FAM135B: variants seen among roughly 807,000 people sequenced by gnomAD.
FAM135B encodes protein FAM135B.
Under a neutral mutation model 127.7 loss-of-function variants are expected in FAM135B, and 43 were observed. The observed-to-expected ratio is 0.34, with a 90% CI of 0.26 to 0.43. The LOEUF is 0.43. Ranked by LOEUF, FAM135B falls within the 20% of genes least tolerant of loss-of-function variation. The pLI, the probability that FAM135B is intolerant of heterozygous loss-of-function variation, is 1.00. For synonymous variants in FAM135B, 670 were observed against 665.1 expected (o/e 1.01, Z -0.11); for missense variants, 1,558 against 1,725.6 (o/e 0.90, Z 1.72).
At chr8:138,329,107 G>A (rs138952042) in intron 2 of FAM135B, among the ~76,000 whole-genome samples, 9 of 152,284 alleles carry the variant, frequency 5.9e-5, no homozygotes, top group East Asian at 1.9e-4. Flanking sequence ...ATAGGTGATC[G>A]ATTGAAAAGC....
rs1033043083 is a variant in FAM135B at position 138,250,966 on chromosome 8, G to A, written c.417C>T (p.Gly139=). The A allele has an allele frequency of 4.3e-6, 7 of 1,613,956 alleles. No individual in the cohort carries two copies. Among genetic ancestry groups the A allele is most frequent in the Non-Finnish European group, 5.9e-6 (7 of 1,180,000 alleles). The change falls in exon 6 of 20, where the codon GGC becomes GGT. Residue 139 remains glycine, a synonymous_variant. Coordinates refer to ENST00000395297, the MANE Select transcript of FAM135B (RefSeq NM_015912.4). ...GAPMVSSRTL[G]LHFHPRNGLH... ...GACCATTCCGGGGGTGGAAGTGCAG[G>A]CCAAGCGTTCGGCTGCTGACCATCG... is the stretch of plus-strand genomic sequence containing the variant.
chr8:138,351,370 G>A (rs1053303636), intron 2 of FAM135B, among the ~76,000 whole-genome samples: 2 of 152,198 alleles, frequency 1.3e-5, no homozygotes, highest in African/African-American at 4.8e-5. Flanking sequence ...CTGATGTGCA[G>A]AGGGAAGATC....
chr8:138,288,253 A>G lies in FAM135B; in HGVS notation c.158-22411T>C, dbSNP rs561240398. The stretch of plus-strand genomic sequence containing the variant: ...GAAGATGGTGGTGACCAAGAGGTAC[A>G]TCAAATTACCAGACTAGGAAGTTTT... On this transcript the variant is annotated intron_variant, in intron 3 of 19. Transcript: ENST00000395297. 2.0e-5 allele frequency among the ~76,000 whole-genome samples: 3 copies of G among 152,328 alleles called. No individual in the cohort carries two copies. In the East Asian group the frequency reaches 5.8e-4, roughly 29 times the overall value.
rs2130761294 is a variant in FAM135B, at chr8:138,152,223, C to T, written c.2252G>A (p.Ser751Asn). The stretch of plus-strand genomic sequence containing the variant: ...CTCATCCTCCTCAAAAGGTAAAGAG[C>T]TAATGGAGGTGAGAGAAGCCTGGAT... ...SGIQASLTSISSLPFEEDERE... is the reference protein window; with the variant it reads ...SGIQASLTSINSLPFEEDERE... Residue 751 changes from serine to asparagine, a missense_variant, in exon 13 of 20, where the codon AGC becomes AAC. Ser to Asn is a conservative substitution (Grantham distance 46, BLOSUM62 1). Around this residue, in one of 5 missense-constraint regions of FAM135B, gnomAD observed 923 missense variants for 865.3 expected, o/e 1.07. Coordinates refer to ENST00000395297, the MANE Select transcript of FAM135B (RefSeq NM_015912.4). 9.9e-6 allele frequency: 16 copies of T among 1,614,142 alleles called. No individual in the cohort carries two copies. The highest frequency in any genetic ancestry group is 1.3e-5 in the Non-Finnish European group (15 of 1,180,036).
intron 1 of FAM135B, among the ~76,000 whole-genome samples, chr8:138,399,297 C>T (rs939725816): frequency 1.3e-5 from 2 of 152,134 alleles, no homozygotes; most frequent in Non-Finnish European, 2.9e-5. Context: ...CTTATTGTCG[C>T]TTTCCATTTA....
intron 2 of FAM135B, among the ~76,000 whole-genome samples, chr8:138,335,663 T>A (rs547692984): frequency 1.3e-5 from 2 of 152,280 alleles, no homozygotes; most frequent in South Asian, 2.1e-4. Context: ...AATGGGAGAC[T>A]TTAACACCCC....
intron 2 of FAM135B, among the ~76,000 whole-genome samples, chr8:138,314,336 C>T (rs948938365): frequency 2.6e-5 from 4 of 152,206 alleles, no homozygotes; most frequent in Admixed American, 6.5e-5. Flanking sequence ...TCAGTGTTCA[C>T]GGTGACTTTA....
At chr8:138,418,378 T>C (rs13250813) in intron 1 of FAM135B, among the ~76,000 whole-genome samples, 10,327 of 152,130 alleles carry the variant, frequency 0.068, 796 homozygotes, top group East Asian at 0.26. Flanking sequence ...TTTGAGGATA[T>C]TGTCCATAAA....
intron 1 of FAM135B, among the ~76,000 whole-genome samples, chr8:138,402,877 G>A (rs1833229472): frequency 6.6e-6 from 1 of 152,170 alleles, no homozygotes; most frequent in African/African-American, 2.4e-5. Flanking sequence ...TGGAGGTGGA[G>A]TTTTGGGGAG....
At chr8:138,405,721 A>G (rs1178994936) in intron 1 of FAM135B, among the ~76,000 whole-genome samples, 4 of 152,268 alleles carry the variant, frequency 2.6e-5, no homozygotes. Context: ...TCCTTTGGGT[A>G]TATACCCAGT....
chr8:138,397,363 C>CCTGGGGTCG (rs1563967339), intron 1 of FAM135B, among the ~76,000 whole-genome samples: 1 of 152,030 alleles, frequency 6.6e-6, no homozygotes, highest in East Asian at 1.9e-4. Context: ...GGACACCGAC[C>CCTGGGGTCG]GCTTAAGGGG....
Position 138,141,994 on chromosome 8 carries a change from G to A in FAM135B, c.3639-645C>T, listed in dbSNP as rs1817199803. The stretch of plus-strand genomic sequence containing the variant: ...ATGAGCATAAAACCATCCAAGAAAA[G>A]AAATCAGTGTCACCCTATGAAACTG... On this transcript the variant is annotated intron_variant, in intron 16 of 19. Transcript: ENST00000395297. The surrounding 1 kb of genome is among the most constrained non-coding windows in gnomAD (Gnocchi z 4.7). Among the ~76,000 whole-genome samples, 1 of 152,072 alleles carries A rather than the reference G, an allele frequency of 6.6e-6. No homozygotes were observed. Among genetic ancestry groups the A allele is most frequent in the Admixed American group, 6.6e-5 (1 of 15,266 alleles).
chr8:138,368,305 C>T (rs1338724429), intron 1 of FAM135B, among the ~76,000 whole-genome samples: 1 of 152,100 alleles, frequency 6.6e-6, no homozygotes, highest in Non-Finnish European at 1.5e-5. Flanking sequence ...ACATCCCGGC[C>T]GAGAGCACAT....
At chr8:138,172,960 C>T (rs774128637) in intron 11 of FAM135B, among the ~76,000 whole-genome samples, 5 of 152,146 alleles carry the variant, frequency 3.3e-5, no homozygotes, top group South Asian at 2.1e-4. Context: ...CTGCATAGGT[C>T]GGCCTTGCAC....
chr8:138,489,783 A>G (rs1815130045), intron 1 of FAM135B, among the ~76,000 whole-genome samples: 1 of 151,844 alleles, frequency 6.6e-6, no homozygotes, highest in Non-Finnish European at 1.5e-5. Context: ...CCTGCTCTCC[A>G]CCCTGGCTTT....
At chr8:138,367,811 T>C (rs900434119) in intron 2 of FAM135B, 96 bp downstream of exon 2, 2 of 951,580 alleles carry the variant, frequency 2.1e-6, no homozygotes, top group Non-Finnish European at 3.2e-6. Flanking sequence ...CCAAATTTCC[T>C]ATAATCTGAC....
chr8:138,415,404 C>T (rs1834086082), intron 1 of FAM135B, among the ~76,000 whole-genome samples: 1 of 152,172 alleles, frequency 6.6e-6, no homozygotes, highest in African/African-American at 2.4e-5. Flanking sequence ...ACTCTCATAG[C>T]TCCCAGTTTA....
intron 1 of FAM135B, chr8:138,438,841 G>T (rs1254956539): frequency 6.6e-6 from 1 of 152,136 alleles, no homozygotes; most frequent in Non-Finnish European, 1.5e-5. Context: ...CAGGTTTCCT[G>T]GGGACTGCAT....
chr8:138,279,659 T>A (rs528452068), intron 3 of FAM135B, among the ~76,000 whole-genome samples: 12 of 152,218 alleles, frequency 7.9e-5, no homozygotes, highest in Non-Finnish European at 1.5e-4. Flanking sequence ...CCCATCGTTA[T>A]TATTAAAAAC....
Sources: gnomAD v4.1 joint callset for allele counts (sites outside exome capture counted in the v4.1 genomes callset) on GRCh38, gnomAD v4.1.1 for gene constraint, gnomAD v4.1.1 regional missense constraint, Gnocchi (gnomAD v3.1) non-coding constraint, MANE v1.5 for transcripts, NCBI Gene and HGNC (gene_info 2026-07-23, HGNC 2026-07-21) for gene names.